Variants in AGAP1 observed in about 807,000 individuals in gnomAD.
The protein encoded by AGAP1 is arf-GAP with GTPase, ANK repeat and PH domain-containing protein 1.
A neutral mutation model predicts 105.3 loss-of-function variants in AGAP1; 29 were observed. The observed-to-expected ratio is 0.28, with a 90% CI of 0.21 to 0.38. AGAP1 has a LOEUF of 0.38. Ranked by LOEUF, AGAP1 falls within the 10% of genes least tolerant of loss-of-function variation. The probability of loss-of-function intolerance (pLI) is 1.00; values close to 1 mark genes in which losing one functional copy is unlikely to be tolerated. For missense variants in AGAP1, 998 were observed against 1,165.1 expected, an observed-to-expected ratio of 0.86 and a Z score of 2.09; for synonymous variants, 509 against 485.9, an observed-to-expected ratio of 1.05 and a Z score of -0.63.
chr2:235,804,451 T>A (rs893743008), intron 8 of AGAP1, among the ~76,000 whole-genome samples: 2 of 152,236 alleles, frequency 1.3e-5, no homozygotes, highest in African/African-American at 4.8e-5. Context: ...ACTGTTTCAA[T>A]GGCATTTATT....
At chr2:236,070,041 G>T (rs1311856503) in intron 16 of AGAP1, among the ~76,000 whole-genome samples, 1 of 152,262 alleles carries the variant, frequency 6.6e-6, no homozygotes, top group East Asian at 1.9e-4. Context: ...TCCACTGTCA[G>T]TGGCGCCTAG....
Position 235,721,477 on chromosome 2 carries a change from ATGTG to A in AGAP1, c.310+3857_310+3860del, listed in dbSNP as rs57069910. Among the ~76,000 whole-genome samples the A allele has an allele frequency of 5.6e-3, 837 of 149,630 alleles. 3 individuals are homozygous for A. The highest frequency in any genetic ancestry group is 0.011 in the African/African-American group (458 of 40,748). Reference sequence around the variant, plus strand: ...TTGGATTGACAGATTCCTTAATATTATGTGTGTGTGTGTGTGTGTGTGTGTGTAC... The same window carrying A: ...TTGGATTGACAGATTCCTTAATATTATGTGTGTGTGTGTGTGTGTGTGTAC... On this transcript the variant is annotated intron_variant, in intron 3 of 17. Transcript: ENST00000304032. The surrounding 1 kb of genome is among the most constrained non-coding windows in gnomAD (Gnocchi z 4.5).
At chr2:235,772,493 C>T (rs1322486641) in intron 6 of AGAP1, among the ~76,000 whole-genome samples, 1 of 152,210 alleles carries the variant, frequency 6.6e-6, no homozygotes, top group African/African-American at 2.4e-5. Context: ...ACCAAGAAGC[C>T]AGCACTTGTA....
At chr2:235,820,995 A>G (rs973027990) in intron 9 of AGAP1, among the ~76,000 whole-genome samples, 2 of 152,248 alleles carry the variant, frequency 1.3e-5, no homozygotes, top group Admixed American at 6.5e-5. Flanking sequence ...ACAGTCATAC[A>G]TGATGGACAT....
intron 11 of AGAP1, among the ~76,000 whole-genome samples, chr2:235,916,857 T>G (rs981567829): frequency 2.6e-5 from 4 of 152,228 alleles, no homozygotes; most frequent in African/African-American, 9.6e-5. Context: ...GACATAGGGC[T>G]TAGACTTCAC....
rs933900487 is a variant in AGAP1 at position 235,988,167 on chromosome 2, C to T, written c.1645+19544C>T. On this transcript the variant is annotated intron_variant, in intron 13 of 17. Transcript: ENST00000304032. This position sits in a 1 kb window ranked among gnomAD's most constrained non-coding sequence, Gnocchi z 4.7. ...AAGTGATTCTCCTGCTTCAGCCTCC[C>T]GAGTAGATGGGGTTAAAGGTGCCCA... Among the ~76,000 whole-genome samples, 3 of 152,076 alleles carry T rather than the reference C, an allele frequency of 2.0e-5. No homozygotes were observed. Among genetic ancestry groups the T allele is most frequent in the Admixed American group, 6.5e-5 (1 of 15,276 alleles).
rs1258607461 is a variant in AGAP1, at chr2:235,936,800, C to T, written c.1483+5877C>T. Among the ~76,000 whole-genome samples the T allele has an allele frequency of 1.3e-5, 2 of 152,140 alleles. No homozygotes were observed. Among genetic ancestry groups the T allele is most frequent in the African/African-American group, 4.8e-5 (2 of 41,426 alleles). ...TGTTGTGACCTTCATGCCTAACACT[C>T]GTTTCCCTGGGGATCATCATCTCTG... On this transcript the variant is annotated intron_variant, in intron 12 of 17. Transcript: ENST00000304032. The surrounding 1 kb of genome is among the most constrained non-coding windows in gnomAD (Gnocchi z 4.7).
At chr2:235,833,810 C>G (rs1959760871) in intron 9 of AGAP1, among the ~76,000 whole-genome samples, 1 of 147,666 alleles carries the variant, frequency 6.8e-6, no homozygotes, top group African/African-American at 2.5e-5. Flanking sequence ...AACAAATGTT[C>G]TATGAAATGA....
chr2:236,026,872 C>T (rs991471551), intron 13 of AGAP1, among the ~76,000 whole-genome samples: 2 of 152,230 alleles, frequency 1.3e-5, no homozygotes, highest in African/African-American at 2.4e-5. Context: ...GGAGACCCTT[C>T]CAGCCCCTAT....
At chr2:235,579,567 A>C (rs1413333883) in intron 1 of AGAP1, among the ~76,000 whole-genome samples, 1 of 152,092 alleles carries the variant, frequency 6.6e-6, no homozygotes, top group Non-Finnish European at 1.5e-5. Flanking sequence ...CGAGGTCAGG[A>C]GATCGAGACC....
chr2:236,084,591 C>T (rs1007416190), intron 16 of AGAP1, among the ~76,000 whole-genome samples: 9 of 152,302 alleles, frequency 5.9e-5, no homozygotes, highest in Non-Finnish European at 1.2e-4. Context: ...TCATTCTATT[C>T]ACAACTCAAA....
rs1394617348 is a variant in AGAP1, at chr2:235,691,120, C to T, written c.164-18059C>T. 6.6e-6 allele frequency among the ~76,000 whole-genome samples: 1 copy of T among 152,150 alleles called. No individual in the cohort carries two copies. The highest frequency in any genetic ancestry group is 1.5e-5 in the Non-Finnish European group (1 of 68,024). ...CTCTGCTCCCTAGGCCGAGGTGAGG[C>T]CAGCAAGGAGTCTGCCCCATGCGAT... On this transcript the variant is annotated intron_variant, in intron 1 of 17. Coordinates refer to ENST00000304032, the MANE Select transcript of AGAP1 (RefSeq NM_001037131.3). The surrounding 1 kb of genome is among the most constrained non-coding windows in gnomAD (Gnocchi z 4.4).
intron 9 of AGAP1, among the ~76,000 whole-genome samples, chr2:235,831,152 A>G (rs1330700081): frequency 1.3e-5 from 2 of 150,334 alleles, no homozygotes; most frequent in African/African-American, 4.9e-5. Context: ...GACTTTAACT[A>G]GATTGGTCCA....
chr2:235,880,211 G>A (rs12992402), intron 9 of AGAP1, among the ~76,000 whole-genome samples: 35 of 151,114 alleles, frequency 2.3e-4, no homozygotes, highest in African/African-American at 5.8e-4. Flanking sequence ...ATAAGTCCTC[G>A]TAGCCTTCAC....
intron 1 of AGAP1, among the ~76,000 whole-genome samples, chr2:235,698,875 C>T (rs1950123358): frequency 6.6e-6 from 1 of 152,226 alleles, no homozygotes; most frequent in African/African-American, 2.4e-5. Context: ...AGCTCAGTTA[C>T]TCAGAGGCTC....
chr2:236,126,085 T>A lies in AGAP1; in HGVS notation c.*1963T>A, dbSNP rs2060000534. ...AAAAAAATAAAGCTTTACACAGAAT[T>A]TATATGTGGGTAAGTGTTTCATGGA... On this transcript the variant is annotated 3_prime_UTR_variant, in exon 18 of 18. Coordinates refer to ENST00000304032, the MANE Select transcript of AGAP1 (RefSeq NM_001037131.3). 1 of 152,114 alleles carries A rather than the reference T, an allele frequency of 6.6e-6. No homozygotes were observed. The highest frequency in any genetic ancestry group is 1.5e-5 in the Non-Finnish European group (1 of 68,028). The allele number at this position is 152,114 out of a possible 1,614,324, so 9.4% of individuals were successfully genotyped here. A position where few individuals can be genotyped will look rare whatever the true frequency, so the allele number is the denominator to read the frequency against.
rs990946881 is a variant in AGAP1, at chr2:235,967,453, T to C, written c.1484-1009T>C. On this transcript the variant is annotated intron_variant, in intron 12 of 17. Coordinates refer to ENST00000304032, the MANE Select transcript of AGAP1 (RefSeq NM_001037131.3). The surrounding 1 kb of genome is among the most constrained non-coding windows in gnomAD (Gnocchi z 4.7). ...GGCCCGGCTGCCATGTCACTGCCACTCCACTTTACAGAGTCCCCATTGGGG... is the reference window on the plus strand; with the variant it reads ...GGCCCGGCTGCCATGTCACTGCCACCCCACTTTACAGAGTCCCCATTGGGG... Among the ~76,000 whole-genome samples, 6 of 152,160 alleles carry C rather than the reference T, an allele frequency of 3.9e-5. No individual in the cohort carries two copies. Among genetic ancestry groups the C allele is most frequent in the Admixed American group, 3.3e-4 (5 of 15,266 alleles).
chr2:235,816,890 A>G (rs996695635), intron 9 of AGAP1, among the ~76,000 whole-genome samples: 8 of 150,468 alleles, frequency 5.3e-5, no homozygotes, highest in South Asian at 2.1e-4. Context: ...AAAAGAAGAA[A>G]AAAAAAAAGA....
chr2:236,008,564 C>T (rs2056402958), intron 13 of AGAP1, among the ~76,000 whole-genome samples: 1 of 152,160 alleles, frequency 6.6e-6, no homozygotes, highest in Admixed American at 6.5e-5. Flanking sequence ...TTGGGGTGCA[C>T]CTGTACCCTT....
Sources: gnomAD v4.1 joint callset for allele counts (sites outside exome capture counted in the v4.1 genomes callset) on GRCh38, gnomAD v4.1.1 for gene constraint, Gnocchi (gnomAD v3.1) non-coding constraint, MANE v1.5 for transcripts, NCBI Gene and HGNC (gene_info 2026-07-23, HGNC 2026-07-21) for gene names.